The following CHIC1 variants were observed in gnomAD, a reference collection of about 807,000 sequenced individuals.
The protein encoded by CHIC1 is cysteine-rich hydrophobic domain-containing protein 1.
In CHIC1, 7 loss-of-function variants were observed where a neutral mutation model predicts 18.5. The ratio of observed to expected loss-of-function variants is 0.38; its 90% CI spans 0.22 to 0.71. CHIC1 has a LOEUF of 0.71. CHIC1 is among the 30% of genes least tolerant of loss of function. The pLI, the probability that CHIC1 is intolerant of heterozygous loss-of-function variation, is 0.49. For synonymous variants in CHIC1, 77 were observed against 73.5 expected (o/e 1.05, Z -0.25); for missense variants, 159 against 176.9 (o/e 0.90, Z 0.57).
chrX:73,640,290 T>G (rs1376866598), intron 3 of CHIC1, among the ~76,000 whole-genome samples: 1 of 112,174 alleles, frequency 8.9e-6, no homozygotes, highest in Non-Finnish European at 1.9e-5. Context: ...GAGATAATCA[T>G]GTGGTTTTTG....
At chrX:73,625,789 G>C (rs1026554697) in intron 3 of CHIC1, among the ~76,000 whole-genome samples, 1 of 110,935 alleles carries the variant, frequency 9.0e-6, no homozygotes, top group African/African-American at 3.3e-5. Context: ...CCCAAGTTTG[G>C]TCAAGTGTCA....
rs1009114621 is a variant in CHIC1 at position 73,644,567 on chromosome X, A to G, written c.508-34759A>G. ...GCTTCCCGGCTGCTTTGTTTACCTA[A>G]TCAAGCCTGGGCAATGGCAGGCGCC... On this transcript the variant is annotated intron_variant, in intron 3 of 5. Coordinates refer to ENST00000373502, the MANE Select transcript of CHIC1 (RefSeq NM_001039840.4). Among the ~76,000 whole-genome samples the G allele has an allele frequency of 2.7e-5, 3 of 112,113 alleles. No homozygotes were observed. The Admixed American group carries it at 2.8e-4, about 10-fold the overall frequency.
intron 3 of CHIC1, among the ~76,000 whole-genome samples, chrX:73,589,784 A>G (rs1239245097): frequency 1.8e-5 from 2 of 111,293 alleles, no homozygotes; most frequent in Non-Finnish European, 3.8e-5. Context: ...AGCTGTCCTA[A>G]TAGTGATGAA....
chrX:73,656,234 C>T (rs1194681346), intron 3 of CHIC1, among the ~76,000 whole-genome samples: 2 of 111,512 alleles, frequency 1.8e-5, no homozygotes, highest in African/African-American at 3.3e-5. Flanking sequence ...CAAAAATTTT[C>T]TCCTATTCTG....
intron 3 of CHIC1, among the ~76,000 whole-genome samples, chrX:73,659,361 T>C (rs189043764): frequency 0.014 from 1,305 of 90,200 alleles, 26 homozygotes; most frequent in African/African-American, 0.053. Flanking sequence ...TCCTACATCT[T>C]CCCCTTTTCT....
intron 3 of CHIC1, among the ~76,000 whole-genome samples, chrX:73,644,988 A>G (rs1013750047): frequency 8.9e-6 from 1 of 112,074 alleles, no homozygotes; most frequent in Non-Finnish European, 1.9e-5. Flanking sequence ...TCCTGCACCC[A>G]CTGTCTGGCA....
intron 3 of CHIC1, among the ~76,000 whole-genome samples, chrX:73,655,653 A>G (rs201751339): frequency 0.13 from 296 of 2,299 alleles, 9 homozygotes; most frequent in Middle Eastern, 0.42. Context: ...GTGTGTGTAT[A>G]TATATATATA....
intron 3 of CHIC1, among the ~76,000 whole-genome samples, chrX:73,673,282 A>T (rs1187775547): frequency 8.9e-6 from 1 of 111,792 alleles, no homozygotes; most frequent in Admixed American, 9.5e-5. Context: ...CAATTCTGTG[A>T]AGAAAGTCCT....
rs1226233740 is a variant in CHIC1, at chrX:73,655,481, TACACA to T, written c.508-23843_508-23839del. On this transcript the variant is annotated intron_variant, in intron 3 of 5. Transcript: ENST00000373502. ...TATTGTGTATATATATATACATATA[TACACA>T]ATATTGTGTATATATATATACATAT... Among the ~76,000 whole-genome samples the T allele has an allele frequency of 1.4e-3, 95 of 69,589 alleles. 3 individuals are homozygous for T. Among genetic ancestry groups the T allele is most frequent in the African/African-American group, 4.5e-3 (90 of 19,981 alleles). The allele number at this position is 69,589 out of a possible 115,157, so 60.4% of individuals were successfully genotyped here.
chrX:73,611,796 T>C (rs1439527276), intron 3 of CHIC1, among the ~76,000 whole-genome samples: 1 of 108,358 alleles, frequency 9.2e-6, no homozygotes, highest in African/African-American at 3.6e-5. Context: ...TTTCATGTGT[T>C]TTTTGGCTGC....
intron 3 of CHIC1, among the ~76,000 whole-genome samples, chrX:73,646,221 T>C (rs1366739057): frequency 1.8e-5 from 2 of 111,789 alleles, no homozygotes; most frequent in African/African-American, 6.5e-5. Context: ...AAACATAGGT[T>C]TATTTCTGGG....
At chrX:73,626,167 G>A (rs180765599) in intron 3 of CHIC1, among the ~76,000 whole-genome samples, 12 of 111,659 alleles carry the variant, frequency 1.1e-4, no homozygotes, top group South Asian at 3.8e-4. Context: ...ACTCCATAGC[G>A]GAACAGCCAG....
intron 3 of CHIC1, among the ~76,000 whole-genome samples, chrX:73,601,492 A>C (rs964102316): frequency 1.9e-5 from 2 of 106,414 alleles, no homozygotes; most frequent in African/African-American, 3.7e-5. Context: ...GGCAGAAATA[A>C]AGATGTTCTT....
At chrX:73,574,076 G>A (rs770435908) in intron 1 of CHIC1, among the ~76,000 whole-genome samples, 2 of 110,405 alleles carry the variant, frequency 1.8e-5, no homozygotes, top group South Asian at 7.6e-4. Flanking sequence ...CTCATACATA[G>A]CTCTTATCAT....
intron 3 of CHIC1, among the ~76,000 whole-genome samples, chrX:73,646,894 T>C (rs1218745754): frequency 8.9e-6 from 1 of 112,574 alleles, no homozygotes; most frequent in African/African-American, 3.2e-5. Context: ...CCTTGAAGCA[T>C]TTCTCCAACT....
At chrX:73,589,986 G>A (rs979529414) in intron 3 of CHIC1, among the ~76,000 whole-genome samples, 6 of 111,414 alleles carry the variant, frequency 5.4e-5, no homozygotes, top group Non-Finnish European at 7.6e-5. Flanking sequence ...ATCTTATGGA[G>A]AGTCTCTTGT....
At chrX:73,613,641 A>G (rs981599881) in intron 3 of CHIC1, among the ~76,000 whole-genome samples, 4 of 111,943 alleles carry the variant, frequency 3.6e-5, no homozygotes, top group African/African-American at 1.3e-4. Flanking sequence ...TAGCAACACA[A>G]ATTGACTGGG....
At chrX:73,577,761 T>C (rs2147545195) in intron 2 of CHIC1, among the ~76,000 whole-genome samples, 1 of 110,845 alleles carries the variant, frequency 9.0e-6, no homozygotes, top group Non-Finnish European at 1.9e-5. Flanking sequence ...GTCATTAATT[T>C]CCAGTGCTTT....
chrX:73,657,371 CT>C (rs1009963766), intron 3 of CHIC1, among the ~76,000 whole-genome samples: 1 of 111,584 alleles, frequency 9.0e-6, no homozygotes, highest in Admixed American at 9.5e-5. Context: ...ATTTTATACT[CT>C]TATTGTGGAA....
Sources: allele counts gnomAD v4.1 joint callset (sites outside exome capture counted in the v4.1 genomes callset), GRCh38; gene constraint gnomAD v4.1.1; transcripts MANE v1.5; gene names NCBI Gene and HGNC (gene_info 2026-07-23, HGNC 2026-07-21).